TACR3: variants seen among roughly 807,000 people sequenced by gnomAD.
The protein encoded by TACR3 is tachykinin receptor 3, also known as neuromedin-K receptor.
TACR3 carries 34 observed loss-of-function variants against 35.0 expected under a neutral mutation model. That is an observed-to-expected ratio of 0.97 (90% confidence interval 0.74 to 1.30). The LOEUF is 1.30. Among genes scored for constraint, TACR3 ranks in the 50% most tolerant of loss-of-function variants. TACR3 has a pLI of 0.00. For missense variants in TACR3, 558 were observed against 591.7 expected (o/e 0.94, Z 0.59); for synonymous variants, 233 against 221.1 (o/e 1.05, Z -0.48).
chr4:103,689,910 A>G (rs149254999), intron 1 of TACR3, among the ~76,000 whole-genome samples: 28 of 152,298 alleles, frequency 1.8e-4, no homozygotes, highest in Non-Finnish European at 3.7e-4. Context: ...CAGTGGTGAA[A>G]GTGAAAGAAA....
intron 1 of TACR3, 134 bp from the exon 2 acceptor site, chr4:103,658,537 G>T (rs1462501407): frequency 2.6e-6 from 2 of 775,908 alleles, no homozygotes; most frequent in South Asian, 3.2e-5. Flanking sequence ...GATAAGGACT[G>T]CTTGAGTAGA....
At chr4:103,712,908 A>G (rs1454147252) in intron 1 of TACR3, among the ~76,000 whole-genome samples, 2 of 152,238 alleles carry the variant, frequency 1.3e-5, no homozygotes, top group Non-Finnish European at 2.9e-5. Context: ...AGAAATGCAA[A>G]TCAAAACCAC....
At chr4:103,673,253 G>A (rs575970449) in intron 1 of TACR3, among the ~76,000 whole-genome samples, 1 of 152,158 alleles carries the variant, frequency 6.6e-6, no homozygotes, top group Non-Finnish European at 1.5e-5. Context: ...GCTGTTTGGT[G>A]CAAGAGGCCT....
intron 1 of TACR3, among the ~76,000 whole-genome samples, chr4:103,689,072 A>G (rs1244725979): frequency 5.7e-5 from 8 of 140,594 alleles, no homozygotes; most frequent in Non-Finnish European, 9.8e-5. Flanking sequence ...TGCAGCCATA[A>G]AAAAATGATG....
chr4:103,606,031 C>T (rs1292034173), intron 3 of TACR3, among the ~76,000 whole-genome samples: 32 of 151,844 alleles, frequency 2.1e-4, no homozygotes, highest in African/African-American at 6.8e-4. Context: ...CCAGTTTCAG[C>T]TTTCTACATA....
chr4:103,610,802 G>A (rs1326893759), intron 3 of TACR3, among the ~76,000 whole-genome samples: 4 of 152,062 alleles, frequency 2.6e-5, no homozygotes, highest in African/African-American at 9.7e-5. Context: ...GTTGATTTTT[G>A]TAAGTGTTGA....
chr4:103,706,218 C>T (rs931221905), intron 1 of TACR3, among the ~76,000 whole-genome samples: 1 of 151,996 alleles, frequency 6.6e-6, no homozygotes, highest in African/African-American at 2.4e-5. Context: ...ATTTAAAGGG[C>T]CTTTCAGACA....
intron 3 of TACR3, among the ~76,000 whole-genome samples, chr4:103,653,864 AC>A (rs1725675687): frequency 1.3e-5 from 2 of 152,154 alleles, no homozygotes; most frequent in Admixed American, 1.3e-4. Context: ...AAAACAAACA[AC>A]CCCTTCAAAA....
intron 1 of TACR3, among the ~76,000 whole-genome samples, chr4:103,699,876 T>A (rs1473810887): frequency 9.1e-6 from 1 of 110,312 alleles, no homozygotes; most frequent in South Asian, 3.8e-4. Context: ...GACACTCAGA[T>A]GGCGATGTTG....
chr4:103,716,522 C>T (rs1317070570), intron 1 of TACR3, among the ~76,000 whole-genome samples: 1 of 152,110 alleles, frequency 6.6e-6, no homozygotes, highest in Admixed American at 6.6e-5. Flanking sequence ...GTGCTGAACA[C>T]TTCAAGGAAA....
chr4:103,657,394 G>T (rs116494500), intron 2 of TACR3, among the ~76,000 whole-genome samples: 3,952 of 151,764 alleles, frequency 0.026, 172 homozygotes, highest in African/African-American at 0.09. Flanking sequence ...ATATGAATAG[G>T]GTACTCAGTT....
intron 4 of TACR3, 92 bp from the exon 5 acceptor site, chr4:103,590,086 T>A: frequency 6.7e-7 from 1 of 1,498,494 alleles, no homozygotes; most frequent in Non-Finnish European, 9.1e-7. Flanking sequence ...AAGGCAGTTA[T>A]AACAACTCAG....
Position 103,719,430 on chromosome 4 carries a change from G to A in TACR3, c.246C>T (p.Ser82=). 3 of 1,614,250 alleles carry A rather than the reference G, an allele frequency of 1.9e-6. No individual in the cohort carries two copies. Among genetic ancestry groups the A allele is most frequent in the Non-Finnish European group, 2.5e-6 (3 of 1,180,044 alleles). Residue 82 remains serine, a synonymous_variant, in exon 1 of 5, where the codon TCC becomes TCT. Coordinates refer to ENST00000304883, the MANE Select transcript of TACR3 (RefSeq NM_001059.3). ...CCAGGGACCAGAGCGCGATGCGCCAGGACGGCTGCACGAACTGGTTGGTGA... is the reference window on the plus strand; with the variant it reads ...CCAGGGACCAGAGCGCGATGCGCCAAGACGGCTGCACGAACTGGTTGGTGA... ...ANLTNQFVQP[S]WRIALWSLAY...
intron 1 of TACR3, among the ~76,000 whole-genome samples, chr4:103,708,214 C>A (rs1722843326): frequency 6.6e-6 from 1 of 152,184 alleles, no homozygotes; most frequent in Non-Finnish European, 1.5e-5. Context: ...TTAAGTGGGT[C>A]CTTGACCCCT....
intron 3 of TACR3, among the ~76,000 whole-genome samples, chr4:103,627,713 C>T (rs1267133212): frequency 6.6e-6 from 1 of 150,456 alleles, no homozygotes; most frequent in Non-Finnish European, 1.5e-5. Context: ...TAACACCCCA[C>T]TGTCAATATT....
In TACR3 at chr4:103,719,650, G is replaced by A. The variant is rs775634973; in HGVS notation, c.26C>T (p.Thr9Ile). 1.9e-6 allele frequency: 3 copies of A among 1,612,604 alleles called. No homozygotes were observed. Among genetic ancestry groups the A allele is most frequent in the Non-Finnish European group, 2.5e-6 (3 of 1,180,022 alleles). Residue 9 changes from threonine to isoleucine, a missense_variant, in exon 1 of 5, where the codon ACC becomes ATC. Transcript: ENST00000304883. ...CACGCCTCCACCCCCGTCTATCCAG[G>A]TTTCTGCTGCTGGGAGAGTGGCCAT... MATLPAAETWIDGGGGVGA... is the reference protein window; with the variant it reads MATLPAAEIWIDGGGGVGA...
intron 3 of TACR3, among the ~76,000 whole-genome samples, chr4:103,654,551 TGGGGGGA>T (rs1725692147): frequency 2.1e-5 from 1 of 47,690 alleles, no homozygotes; most frequent in East Asian, 8.2e-4. Context: ...TGTTGTGGGG[TGGGGGGA>T]GGGGGGAGGG....
At chr4:103,704,014 G>T (rs1169400998) in intron 1 of TACR3, among the ~76,000 whole-genome samples, 2 of 143,648 alleles carry the variant, frequency 1.4e-5, no homozygotes, top group Non-Finnish European at 3.0e-5. Context: ...TGAGGCAGGA[G>T]AATGGAGTGA....
At chr4:103,626,420 A>AT (rs112962218) in intron 3 of TACR3, among the ~76,000 whole-genome samples, 19,866 of 150,268 alleles carry the variant, frequency 0.13, 1,449 homozygotes, top group Middle Eastern at 0.22. Flanking sequence ...TATTATTGTT[A>AT]TTTTTTTTTG....
Sources: allele counts gnomAD v4.1 joint callset (sites outside exome capture counted in the v4.1 genomes callset), GRCh38; gene constraint gnomAD v4.1.1; transcripts MANE v1.5; gene names NCBI Gene and HGNC (gene_info 2026-07-23, HGNC 2026-07-21).